The following PPHLN1 variants were observed in gnomAD, a reference collection of about 807,000 sequenced individuals.
PPHLN1 encodes periphilin 1, also known as periphilin-1.
In PPHLN1, 29 loss-of-function variants were observed where a neutral mutation model predicts 51.3. That is an observed-to-expected ratio of 0.57 (90% CI 0.42 to 0.77). The LOEUF is 0.77. PPHLN1 is among the 30% of genes least tolerant of loss of function. The pLI, the probability that PPHLN1 is intolerant of heterozygous loss-of-function variation, is 0.00. For missense variants in PPHLN1, 436 were observed against 438.4 expected (o/e 0.99, Z 0.05); for synonymous variants, 147 against 147.8 (o/e 0.99, Z 0.04).
At chr12:42,444,792 T>C (rs201113752), downstream of PPHLN1, 153 of 469,280 alleles carry the variant, frequency 3.3e-4, no homozygotes, top group East Asian at 5.4e-3. Flanking sequence ...TCAGTTCTTA[T>C]CTAGTACTTC....
At chr12:42,337,491 T>C (rs1477817543) in intron 2 of PPHLN1, among the ~76,000 whole-genome samples, 1 of 152,038 alleles carries the variant, frequency 6.6e-6, no homozygotes, top group African/African-American at 2.4e-5. Context: ...AGATGGGGTT[T>C]CACCATGTTG....
At chr12:42,420,052 CA>C (rs749220772) in intron 9 of PPHLN1, among the ~76,000 whole-genome samples, 1 of 152,014 alleles carries the variant, frequency 6.6e-6, no homozygotes, top group East Asian at 1.9e-4. Flanking sequence ...TCTTTGCCAT[CA>C]AAAAATAGAG....
chr12:42,398,220 G>A (rs1400932630), intron 8 of PPHLN1, among the ~76,000 whole-genome samples: 1 of 151,922 alleles, frequency 6.6e-6, no homozygotes, highest in East Asian at 1.9e-4. Context: ...TTAATTATTG[G>A]TCTAAAACTG....
At chr12:42,383,731 A>C (rs2076947777) in intron 5 of PPHLN1, among the ~76,000 whole-genome samples, 1 of 152,190 alleles carries the variant, frequency 6.6e-6, no homozygotes, top group Non-Finnish European at 1.5e-5. Context: ...CTGTAATCCC[A>C]GCACTTTGGG....
intron 4 of PPHLN1, among the ~76,000 whole-genome samples, chr12:42,364,473 AATT>A (rs2075048085): frequency 6.6e-6 from 1 of 152,104 alleles, no homozygotes; most frequent in Non-Finnish European, 1.5e-5. Flanking sequence ...CTACAAAAAA[AATT>A]AAAAAATAAG....
intron 9 of PPHLN1, chr12:42,431,831 T>C: frequency 7.0e-7 from 1 of 1,423,388 alleles, no homozygotes; most frequent in Non-Finnish European, 9.9e-7. Flanking sequence ...CAATCACATA[T>C]TTTGCCTAGC....
At chr12:42,337,636 G>C (rs1284391610) in intron 2 of PPHLN1, among the ~76,000 whole-genome samples, 2 of 151,886 alleles carry the variant, frequency 1.3e-5, no homozygotes, top group Non-Finnish European at 2.9e-5. Flanking sequence ...TGTAGCCCAG[G>C]CTGGAGTGCA....
Position 42,436,812 on chromosome 12 carries a change from A to C in PPHLN1, c.910-4503A>C, listed in dbSNP as rs184418071. On this transcript the variant is annotated intron_variant, in intron 9 of 9. Transcript: ENST00000358314. ...TGGGCAGGATGAAGCAGGATGGCAC[A>C]AGATCTCATCATACTACTCAGAACA... 1.3e-3 allele frequency among the ~76,000 whole-genome samples: 197 copies of C among 152,292 alleles called. 2 individuals are homozygous for C. Among genetic ancestry groups the C allele is most frequent in the Non-Finnish European group, 3.5e-4 (24 of 68,006 alleles).
At chr12:42,431,733 TCTC>T (rs1411113656) in intron 9 of PPHLN1, 2 of 1,052,840 alleles carry the variant, frequency 1.9e-6, no homozygotes, top group Non-Finnish European at 3.0e-6. Context: ...AATCTTTTCT[TCTC>T]CTGGAGTATG....
chr12:42,384,943 C>T lies in PPHLN1; in HGVS notation c.515C>T (p.Ser172Phe), dbSNP rs747995820. 22 of 1,609,122 alleles carry T rather than the reference C, an allele frequency of 1.4e-5. No homozygotes were observed. Among genetic ancestry groups the T allele is most frequent in the Non-Finnish European group, 1.4e-5 (16 of 1,175,414 alleles). ...YSFHQSQHRK[S>F]VRPGASYKRQ... Reference sequence around the variant, plus strand: ...CTCCCTGCCCACCTTTCCATAGAGTCCGTGCGTCCTGGTGCCTCCTACAAA... The same window carrying T: ...CTCCCTGCCCACCTTTCCATAGAGTTCGTGCGTCCTGGTGCCTCCTACAAA... Residue 172 changes from serine (S) to phenylalanine (F), a missense_variant, in exon 6 of 10, where the codon TCC becomes TTC. Coordinates refer to ENST00000358314, the MANE Select transcript of PPHLN1 (RefSeq NM_201439.2).
At chr12:42,420,750 A>G (rs2139686644) in intron 9 of PPHLN1, among the ~76,000 whole-genome samples, 1 of 146,890 alleles carries the variant, frequency 6.8e-6, no homozygotes, top group African/African-American at 2.5e-5. Flanking sequence ...TGTCAGCAAG[A>G]TTCTGTGTGT....
chr12:42,400,897 C>T (rs2078784069), intron 9 of PPHLN1, among the ~76,000 whole-genome samples: 1 of 151,556 alleles, frequency 6.6e-6, no homozygotes, highest in South Asian at 2.1e-4. Context: ...CCATATTAGC[C>T]CATTATTAAT....
intron 5 of PPHLN1, among the ~76,000 whole-genome samples, chr12:42,383,522 A>T (rs2076929478): frequency 6.6e-6 from 1 of 152,236 alleles, no homozygotes. Context: ...TAAAAGTAAG[A>T]ATAAAGTTGG....
chr12:42,369,946 G>C (rs754012), intron 4 of PPHLN1, among the ~76,000 whole-genome samples: 70,072 of 151,912 alleles, frequency 0.46, 17,001 homozygotes, highest in Middle Eastern at 0.55. Context: ...CCTCTGTATC[G>C]TGATTTAATG....
intron 5 of PPHLN1, among the ~76,000 whole-genome samples, chr12:42,381,435 G>A (rs1036490297): frequency 1.1e-4 from 16 of 152,282 alleles, no homozygotes; most frequent in African/African-American, 2.6e-4. Flanking sequence ...ATGAGCTCAC[G>A]TGGTTTTTAG....
At chr12:42,420,677 C>T (rs1198565904) in intron 9 of PPHLN1, among the ~76,000 whole-genome samples, 1 of 79,790 alleles carries the variant, frequency 1.3e-5, no homozygotes, top group Non-Finnish European at 2.6e-5. Context: ...CCGCCCTCCC[C>T]TCCCCTCCCC....
intron 9 of PPHLN1, chr12:42,431,525 C>T: frequency 1.8e-6 from 1 of 555,246 alleles, no homozygotes; most frequent in South Asian, 2.1e-5. Flanking sequence ...TATTCAGGAT[C>T]CCTCCCCTTT....
intron 2 of PPHLN1, among the ~76,000 whole-genome samples, chr12:42,337,267 CTT>C (rs569605996): frequency 7.6e-6 from 1 of 131,964 alleles, no homozygotes; most frequent in African/African-American, 2.8e-5. Flanking sequence ...TTTCTTTTTT[CTT>C]TTTTTTTTTT....
chr12:42,442,083 C>A lies in PPHLN1; in HGVS notation c.*574C>A. On this transcript the variant is annotated 3_prime_UTR_variant, in exon 10 of 10. Transcript: ENST00000358314. ...ACTCAGTGTCTTCTATTACAATAAT[C>A]CTGAAACTCCTGACTCTCTCACTGA... 1 of 482,990 alleles carries A rather than the reference C, an allele frequency of 2.1e-6. No homozygotes were observed. Among genetic ancestry groups the A allele is most frequent in the Non-Finnish European group, 2.7e-6 (1 of 371,050 alleles). 29.9% of individuals were successfully genotyped at this position (482,990 alleles called of 1,614,324 possible).
Sources: allele counts gnomAD v4.1 joint callset (sites outside exome capture counted in the v4.1 genomes callset), GRCh38; gene constraint gnomAD v4.1.1; transcripts MANE v1.5; gene names NCBI Gene and HGNC (gene_info 2026-07-23, HGNC 2026-07-21).